RTCA: variants seen among roughly 807,000 people sequenced by gnomAD.
The protein encoded by RTCA is RNA 3'-terminal phosphate cyclase, also known as RNA terminal phosphate cyclase domain 1.
Under a neutral mutation model 46.1 loss-of-function variants are expected in RTCA, and 37 were observed. The observed-to-expected ratio is 0.80, with a 90% confidence interval of 0.62 to 1.06. The LOEUF (loss-of-function observed/expected upper bound fraction) is 1.06, where lower values mean the gene tolerates loss of function less well. Ranked by LOEUF, RTCA falls within the 50% of genes least tolerant of loss-of-function variation. The pLI, the probability that RTCA is intolerant of heterozygous loss-of-function variation, is 0.00. For missense variants in RTCA, 435 were observed against 455.5 expected (o/e 0.95, Z 0.41); for synonymous variants, 164 against 158.3 (o/e 1.04, Z -0.27).
intron 2 of RTCA, chr1:100,267,635 G>T: frequency 1.6e-6 from 2 of 1,259,306 alleles, no homozygotes; most frequent in Non-Finnish European, 1.0e-6. Flanking sequence ...TGCCCCTAGC[G>T]TCTCTGTATG....
chr1:100,284,923 G>A (rs933872494), intron 8 of RTCA, among the ~76,000 whole-genome samples: 2 of 152,144 alleles, frequency 1.3e-5, no homozygotes, highest in Non-Finnish European at 2.9e-5. Flanking sequence ...TGAAATTGAG[G>A]CATAGCATTA....
chr1:100,272,917 C>T (rs1570877208), intron 4 of RTCA, among the ~76,000 whole-genome samples: 1 of 152,064 alleles, frequency 6.6e-6, no homozygotes, highest in African/African-American at 2.4e-5. Flanking sequence ...GGCTAGGATG[C>T]CATGGAGTCA....
At position 100,270,612 on chromosome 1, in the gene RTCA, C is replaced by G. The variant is rs1391578530; in HGVS notation, c.346C>G (p.Pro116Ala). The G allele has an allele frequency of 1.9e-6, 3 of 1,613,980 alleles. No individual in the cohort carries two copies. Among genetic ancestry groups the G allele is most frequent in the Non-Finnish European group, 2.5e-6 (3 of 1,179,994 alleles). ...SMPCVLFAASPSELHLKGGTN... is the reference protein window; with the variant it reads ...SMPCVLFAASASELHLKGGTN... ...GCCGTGTGTTCTCTTTGCTGCTTCT[C>G]CATCAGAACTTCATTTGAAAGGTGG... The change falls in exon 4 of 11, where the codon CCA (proline) becomes GCA (alanine). Residue 116 changes from proline (P) to alanine (A), a missense_variant. Pro to Ala is a conservative substitution (Grantham distance 27). Transcript: ENST00000370128.
chr1:100,270,194 A>C (rs1666006958), intron 3 of RTCA, among the ~76,000 whole-genome samples: 3 of 65,458 alleles, frequency 4.6e-5, no homozygotes, highest in African/African-American at 8.6e-5. Flanking sequence ...TCTTTTGTAA[A>C]ACTTTTGAAG....
At chr1:100,285,532 T>C (rs1666975306) in intron 9 of RTCA, among the ~76,000 whole-genome samples, 1 of 152,242 alleles carries the variant, frequency 6.6e-6, no homozygotes, top group Non-Finnish European at 1.5e-5. Context: ...TGACCACTCC[T>C]TCCTTTTTGA....
At chr1:100,275,556 A>G in intron 6 of RTCA, 43 bp from the exon 7 acceptor site, 1 of 1,496,686 alleles carries the variant, frequency 6.7e-7, no homozygotes, top group Non-Finnish European at 9.0e-7. Context: ...TTTCCAAATA[A>G]TCAGTAATTG....
rs201284036 is a variant in RTCA at position 100,275,587 on chromosome 1, T to G, written c.616-12T>G. The stretch of plus-strand genomic sequence containing the variant: ...AATTGTTTTATTCTATTTTTCTGTC[T>G]TGCTAAAATAGGTAGCAAAAGATAT... On this transcript the variant is annotated splice_polypyrimidine_tract_variant and intron_variant, in intron 6 of 10. Transcript: ENST00000370128. The G allele has an allele frequency of 6.3e-6, 10 of 1,587,358 alleles. No homozygotes were observed. The East Asian group carries it at 2.0e-4, about 32-fold the overall frequency.
intron 10 of RTCA, 23 bp from the exon 11 acceptor site, chr1:100,291,380 A>G (rs1667345064): frequency 1.3e-6 from 2 of 1,514,066 alleles, no homozygotes; most frequent in Non-Finnish European, 9.1e-7. Flanking sequence ...CGTATTACTT[A>G]TATACTCCTC....
intron 2 of RTCA, 114 bp from the exon 3 acceptor site, chr1:100,268,038 C>A: frequency 6.9e-7 from 1 of 1,448,932 alleles, no homozygotes. Context: ...GTGGCACTTA[C>A]TGTGGTTAGA....
At position 100,291,563 on chromosome 1, in the gene RTCA, A is replaced by G; in HGVS notation, c.*59A>G. On this transcript the variant is annotated 3_prime_UTR_variant, in exon 11 of 11. Coordinates refer to ENST00000370128, the MANE Select transcript of RTCA (RefSeq NM_003729.4). ...TATTGCACTATTTCATAAATACTAT[A>G]AAATAATGACTAGGAAGTAACTTAT... is the stretch of plus-strand genomic sequence containing the variant. The G allele has an allele frequency of 9.8e-7, 1 of 1,020,836 alleles. No homozygotes were observed. Among genetic ancestry groups the G allele is most frequent in the East Asian group, 2.5e-5 (1 of 40,350 alleles). The allele number at this position is 1,020,836 out of a possible 1,614,324, so 63.2% of individuals were successfully genotyped here. A position where few individuals can be genotyped will look rare whatever the true frequency, so the allele number is the denominator to read the frequency against.
At position 100,274,684 on chromosome 1, in the gene RTCA, A is replaced by G. The variant is rs543671799; in HGVS notation, c.474-140A>G. 1.5e-4 allele frequency: 143 copies of G among 943,754 alleles called. 1 individual carries two copies. In the African/African-American group the frequency reaches 2.2e-3, roughly 15 times the overall value. The allele number at this position is 943,754 out of a possible 1,614,324, so 58.5% of individuals were successfully genotyped here. ...TTTGTTTTTTAATGTATAAAATTTT[A>G]CAAAATACAGACCTAAAATATTTAG... is the stretch of plus-strand genomic sequence containing the variant. On this transcript the variant is annotated intron_variant, in intron 5 of 10. Transcript: ENST00000370128.
Position 100,270,542 on chromosome 1 carries a change from C to T in RTCA, c.291-15C>T. Reference sequence around the variant, plus strand: ...AAAAGAAAATGAAAATAAGCCCCTTCTGCCTTCTCCTTAGGAGTGTGTGCC... The same window carrying T: ...AAAAGAAAATGAAAATAAGCCCCTTTTGCCTTCTCCTTAGGAGTGTGTGCC... On this transcript the variant is annotated splice_polypyrimidine_tract_variant and intron_variant, in intron 3 of 10. Coordinates refer to ENST00000370128, the MANE Select transcript of RTCA (RefSeq NM_003729.4). 6.2e-7 allele frequency: 1 copy of T among 1,606,000 alleles called. No homozygotes were observed. Among genetic ancestry groups the T allele is most frequent in the East Asian group, 2.2e-5 (1 of 44,824 alleles).
chr1:100,285,563 T>G (rs955921818), intron 9 of RTCA, among the ~76,000 whole-genome samples: 4 of 152,242 alleles, frequency 2.6e-5, no homozygotes, highest in African/African-American at 9.6e-5. Context: ...TTCCTTGGTT[T>G]CTGAAATACT....
chr1:100,285,626 T>C (rs1229135889), intron 9 of RTCA, among the ~76,000 whole-genome samples: 1 of 152,308 alleles, frequency 6.6e-6, no homozygotes, highest in African/African-American at 2.4e-5. Context: ...GCTAGTTTAT[T>C]ATGGTTTTCA....
rs199809462 is a variant in RTCA at position 100,270,204 on chromosome 1, GAA to G, written c.291-352_291-351del. Among the ~76,000 whole-genome samples the G allele has an allele frequency of 4.1e-4, 8 of 19,518 alleles. No individual in the cohort carries two copies. In the East Asian group the frequency reaches 0.11, roughly 279 times the overall value. The allele number at this position is 19,518 out of a possible 152,430, so 12.8% of individuals were successfully genotyped here. A position where few individuals can be genotyped will look rare whatever the true frequency, so the allele number is the denominator to read the frequency against. ...AGAATTCTTTTGTAAAACTTTTGAA[GAA>G]GGTTTTATTTTTAATTTTTTTTCTT... On this transcript the variant is annotated intron_variant, in intron 3 of 10. Coordinates refer to ENST00000370128, the MANE Select transcript of RTCA (RefSeq NM_003729.4).
intron 8 of RTCA, among the ~76,000 whole-genome samples, chr1:100,283,946 AAAAGAAAAAACAAG>A (rs1666879029): frequency 1.7e-5 from 1 of 60,462 alleles, no homozygotes; most frequent in Non-Finnish European, 3.9e-5. Context: ...AAAAAAAAAA[AAAAGAAAAAACAAG>A]AAAAAACAAG....
intron 10 of RTCA, among the ~76,000 whole-genome samples, chr1:100,287,522 G>A (rs1209081013): frequency 2.6e-5 from 4 of 152,164 alleles, no homozygotes; most frequent in Non-Finnish European, 5.9e-5. Flanking sequence ...CAAAACCCAT[G>A]TTATAATCAC....
At chr1:100,290,670 G>T (rs113242148) in intron 10 of RTCA, among the ~76,000 whole-genome samples, 3,645 of 152,266 alleles carry the variant, frequency 0.024, 69 homozygotes, top group Non-Finnish European at 0.036. Flanking sequence ...GGAGGCTGAG[G>T]CAGGAGGATC....
chr1:100,266,722 G>C lies in RTCA; in HGVS notation c.146+98G>C, dbSNP rs993600744. 18 of 1,013,556 alleles carry C rather than the reference G, an allele frequency of 1.8e-5. No homozygotes were observed. In the African/African-American group the frequency reaches 2.1e-4, roughly 12 times the overall value. 62.8% of individuals were successfully genotyped at this position (1,013,556 alleles called of 1,614,324 possible). ...TCGGGAGTCCGAGTGGTGGAACCCAGAAGGTCCCAGACGCAGGTATGGGCG... is the reference window on the plus strand; with the variant it reads ...TCGGGAGTCCGAGTGGTGGAACCCACAAGGTCCCAGACGCAGGTATGGGCG... On this transcript the variant is annotated intron_variant, in intron 2 of 10. Coordinates refer to ENST00000370128, the MANE Select transcript of RTCA (RefSeq NM_003729.4).
Sources: gnomAD v4.1 joint callset for allele counts (sites outside exome capture counted in the v4.1 genomes callset) on GRCh38, gnomAD v4.1.1 for gene constraint, MANE v1.5 for transcripts, NCBI Gene and HGNC (gene_info 2026-07-23, HGNC 2026-07-21) for gene names.